Variants in PPM1F observed in about 807,000 individuals in gnomAD.
PPM1F encodes the protein protein phosphatase 1F.
A neutral mutation model predicts 35.5 loss-of-function variants in PPM1F; 17 were observed. The observed-to-expected ratio is 0.48, with a 90% CI of 0.33 to 0.72. PPM1F has a LOEUF of 0.72. Ranked by LOEUF, PPM1F falls within the 30% of genes least tolerant of loss-of-function variation. The probability of loss-of-function intolerance (pLI) is 0.02; values close to 1 mark genes in which losing one functional copy is unlikely to be tolerated. For missense variants in PPM1F, 521 were observed against 613.0 expected (o/e 0.85, Z 1.59); for synonymous variants, 241 against 255.5 (o/e 0.94, Z 0.54).
chr22:21,949,057 GCTCT>G (rs1214593866), intron 1 of PPM1F: 2 of 152,430 alleles, frequency 1.3e-5, no homozygotes, highest in African/African-American at 4.8e-5. Context: ...CCACCTGCCT[GCTCT>G]CTCTGTGCCT....
chr22:21,946,322 C>G lies in PPM1F; in HGVS notation c.-60-214G>C. The stretch of plus-strand genomic sequence containing the variant: ...TCTCAGGAGATGGTGCCAGGAGCAG[C>G]AGCTGGGTGGACATTGTCAAGAAGT... On this transcript the variant is annotated intron_variant, in intron 1 of 7. Coordinates refer to ENST00000263212, the MANE Select transcript of PPM1F (RefSeq NM_014634.4). 5.6e-6 allele frequency: 2 copies of G among 355,478 alleles called. 1 individual carries two copies. Among genetic ancestry groups the G allele is most frequent in the Middle Eastern group, 1.5e-3 (2 of 1,350 alleles). The allele number at this position is 355,478 out of a possible 1,614,324, so 22.0% of individuals were successfully genotyped here.
intron 6 of PPM1F, among the ~76,000 whole-genome samples, chr22:21,929,412 CCT>C (rs1173716442): frequency 6.6e-6 from 1 of 152,224 alleles, no homozygotes; most frequent in African/African-American, 2.4e-5. Context: ...TCCAGGGACC[CCT>C]GTGTGATGGA....
intron 3 of PPM1F, chr22:21,938,738 G>T: frequency 3.3e-6 from 1 of 300,766 alleles, no homozygotes; most frequent in Non-Finnish European, 4.9e-6. Flanking sequence ...CACCCCTGCT[G>T]CAGCCTGCGA....
chr22:21,921,707 A>T lies in PPM1F; in HGVS notation c.*1385T>A, dbSNP rs1355795854. On this transcript the variant is annotated 3_prime_UTR_variant, in exon 8 of 8. Coordinates refer to ENST00000263212, the MANE Select transcript of PPM1F (RefSeq NM_014634.4). Reference sequence around the variant, plus strand: ...GCATCCCTGCTGCCTCCAGACTGAGACAGAGACCCACGGGCTGCCTCTGTG... The same window carrying T: ...GCATCCCTGCTGCCTCCAGACTGAGTCAGAGACCCACGGGCTGCCTCTGTG... The T allele has an allele frequency of 6.6e-6, 1 of 152,292 alleles. No homozygotes were observed. The highest frequency in any genetic ancestry group is 2.4e-5 in the African/African-American group (1 of 41,476). 9.4% of individuals were successfully genotyped at this position (152,292 alleles called of 1,614,324 possible). A position where few individuals can be genotyped will look rare whatever the true frequency, so the allele number is the denominator to read the frequency against.
intron 1 of PPM1F, chr22:21,951,976 C>T (rs1343843221): frequency 2.6e-5 from 4 of 152,268 alleles, no homozygotes; most frequent in African/African-American, 9.6e-5. Context: ...CTTTCTATCC[C>T]CCGTGGTGAG....
chr22:21,935,158 C>T (rs1434396277), intron 3 of PPM1F: 1 of 152,176 alleles, frequency 6.6e-6, no homozygotes, highest in East Asian at 1.9e-4. Flanking sequence ...CGACCCATAC[C>T]TTTGAATACC....
intron 2 of PPM1F, chr22:21,943,159 A>G (rs1323570919): frequency 6.6e-6 from 1 of 152,170 alleles, no homozygotes. Context: ...TCAGGGACCA[A>G]GATGCTCAAA....
At chr22:21,928,731 G>A (rs2070550738) in intron 6 of PPM1F, among the ~76,000 whole-genome samples, 1 of 152,124 alleles carries the variant, frequency 6.6e-6, no homozygotes, top group Admixed American at 6.5e-5. Flanking sequence ...GATCACTTGG[G>A]GCACACCTCC....
intron 1 of PPM1F, chr22:21,949,776 C>T (rs1208120178): frequency 6.6e-6 from 1 of 152,416 alleles, no homozygotes; most frequent in Non-Finnish European, 1.5e-5. Context: ...ACCAGTCTGA[C>T]CAAATGCGAC....
intron 7 of PPM1F, 122 bp from the exon 8 acceptor site, chr22:21,923,593 G>A: frequency 1.8e-6 from 2 of 1,109,336 alleles, no homozygotes; most frequent in Non-Finnish European, 2.5e-6. Context: ...CATGGGGTCT[G>A]GGGTCTGTTG....
At chr22:21,932,944 T>C (rs1177130329) in intron 5 of PPM1F, among the ~76,000 whole-genome samples, 3 of 152,228 alleles carry the variant, frequency 2.0e-5, no homozygotes, top group Admixed American at 6.5e-5. Context: ...GAGACGGCTC[T>C]GGCCCAGCTT....
chr22:21,939,282 A>G lies in PPM1F; in HGVS notation c.355+250T>C. 1.8e-6 allele frequency: 1 copy of G among 543,276 alleles called. No homozygotes were observed. The highest frequency in any genetic ancestry group is 4.9e-4 in the Middle Eastern group (1 of 2,040). 33.7% of individuals were successfully genotyped at this position (543,276 alleles called of 1,614,324 possible). On this transcript the variant is annotated intron_variant, in intron 3 of 7. Transcript: ENST00000263212. This position sits in a 1 kb window ranked among gnomAD's most constrained non-coding sequence, Gnocchi z 5.1. ...CTGGAACTTCAGTCAGACAGGACAC[A>G]GGAGGGTGTCTGCACCACCCACCCC... is the stretch of plus-strand genomic sequence containing the variant.
At position 21,946,112 on chromosome 22, in the gene PPM1F, G is replaced by C; in HGVS notation, c.-60-4C>G. 13 of 1,368,488 alleles carry C rather than the reference G, an allele frequency of 9.5e-6. No individual in the cohort carries two copies. The South Asian group carries it at 2.0e-4, about 21-fold the overall frequency. The allele number at this position is 1,368,488 out of a possible 1,614,324, so 84.8% of individuals were successfully genotyped here. On this transcript the variant is annotated splice_region_variant and splice_polypyrimidine_tract_variant and intron_variant, in intron 1 of 7. Coordinates refer to ENST00000263212, the MANE Select transcript of PPM1F (RefSeq NM_014634.4). ...AAGAGGGTCTCCAGGCTTCACCCTG[G>C]GGAGAAATGTCAGAGTCAGCAGAAT...
intron 1 of PPM1F, chr22:21,952,294 C>A (rs1334095105): frequency 6.6e-6 from 1 of 152,254 alleles, no homozygotes; most frequent in Non-Finnish European, 1.5e-5. Flanking sequence ...GCTTCACGGA[C>A]GCTTGGGAGG....
At chr22:21,929,667 A>C (rs1189246974) in intron 6 of PPM1F, among the ~76,000 whole-genome samples, 1 of 152,186 alleles carries the variant, frequency 6.6e-6, no homozygotes, top group African/African-American at 2.4e-5. Context: ...GCAGGTGCCA[A>C]ATTCCCCCAC....
Position 21,923,359 on chromosome 22 carries a change from T to TACG in PPM1F, c.1095_1097dup (p.Val366dup). 6.2e-7 allele frequency: 1 copy of TACG among 1,613,620 alleles called. No individual in the cohort carries two copies. The highest frequency in any genetic ancestry group is 8.5e-7 in the Non-Finnish European group (1 of 1,179,952). ...CCAGGCCAACAACTTCCTGGTGGGG[T>TACG]ACGACGTCAAAGAAGCCATCACAGG... On this transcript the variant is annotated inframe_insertion, in exon 8 of 8. Coordinates refer to ENST00000263212, the MANE Select transcript of PPM1F (RefSeq NM_014634.4).
At position 21,939,103 on chromosome 22, in the gene PPM1F, A is replaced by G. The variant is rs575385711; in HGVS notation, c.355+429T>C. 249 of 169,166 alleles carry G rather than the reference A, an allele frequency of 1.5e-3. No individual in the cohort carries two copies. Among genetic ancestry groups the G allele is most frequent in the African/African-American group, 5.4e-3 (224 of 41,806 alleles). 10.5% of individuals were successfully genotyped at this position (169,166 alleles called of 1,614,324 possible). On this transcript the variant is annotated intron_variant, in intron 3 of 7. Transcript: ENST00000263212. The surrounding 1 kb of genome is among the most constrained non-coding windows in gnomAD (Gnocchi z 5.1). ...CGCTGCTGCCCCGAGACCTGCTGGCATGCCACCTGGCCAACCCTGACTTCG... is the reference window on the plus strand; with the variant it reads ...CGCTGCTGCCCCGAGACCTGCTGGCGTGCCACCTGGCCAACCCTGACTTCG...
Position 21,933,280 on chromosome 22 carries a change from T to G in PPM1F, c.747+111A>C. 3.0e-6 allele frequency: 3 copies of G among 1,014,412 alleles called. No individual in the cohort carries two copies. The South Asian group carries it at 5.1e-5, about 17-fold the overall frequency. 62.8% of individuals were successfully genotyped at this position (1,014,412 alleles called of 1,614,324 possible). ...AAAATGGCAGGACCACCGGCAGTGT[T>G]TAGTGAGGACCTTCCAGCACCACCA... On this transcript the variant is annotated intron_variant, in intron 5 of 7. Transcript: ENST00000263212.
intron 6 of PPM1F, among the ~76,000 whole-genome samples, chr22:21,927,104 G>C (rs868846503): frequency 2.6e-5 from 4 of 152,216 alleles, no homozygotes; most frequent in African/African-American, 9.7e-5. Context: ...AGCCATGAAG[G>C]GGGCAGGAAC....
Sources: gnomAD v4.1 joint callset for allele counts (sites outside exome capture counted in the v4.1 genomes callset) on GRCh38, gnomAD v4.1.1 for gene constraint, Gnocchi (gnomAD v3.1) non-coding constraint, MANE v1.5 for transcripts, NCBI Gene and HGNC (gene_info 2026-07-23, HGNC 2026-07-21) for gene names.